The following SH3RF1 variants were observed in gnomAD, a reference collection of about 807,000 sequenced individuals.
SH3RF1 encodes the protein SH3 domain containing ring finger 1.
In SH3RF1, 32 loss-of-function variants were observed where a neutral mutation model predicts 74.0. The observed-to-expected ratio is 0.43, with a 90% CI of 0.33 to 0.58. The LOEUF is 0.58. Ranked by LOEUF, SH3RF1 falls within the 20% of genes least tolerant of loss-of-function variation. The pLI is 0.05. For synonymous variants in SH3RF1, 396 were observed against 439.6 expected (o/e 0.90, Z 1.24); for missense variants, 954 against 1,130.9 (o/e 0.84, Z 2.24).
chr4:169,100,645 A>T (rs930261271), intron 11 of SH3RF1, among the ~76,000 whole-genome samples: 3 of 152,098 alleles, frequency 2.0e-5, no homozygotes, highest in African/African-American at 7.2e-5. Context: ...GAGCTCACAT[A>T]CTAATATTCT....
chr4:169,203,553 G>GA (rs780772535), intron 2 of SH3RF1, among the ~76,000 whole-genome samples: 8,695 of 129,246 alleles, frequency 0.067, 371 homozygotes, highest in Admixed American at 0.17. Context: ...CCTGTCTCAA[G>GA]AAAAAAAAAA....
intron 2 of SH3RF1, among the ~76,000 whole-genome samples, chr4:169,268,279 G>A (rs914596519): frequency 3.9e-5 from 6 of 152,120 alleles, no homozygotes; most frequent in Admixed American, 2.6e-4. Flanking sequence ...CTACAGCAAC[G>A]AAACTCTGCT....
At chr4:169,156,370 TG>T (rs1734053018) in intron 3 of SH3RF1, 33 bp downstream of exon 3, 2 of 1,525,240 alleles carry the variant, frequency 1.3e-6, no homozygotes, top group African/African-American at 2.8e-5. Context: ...GAGGTAGAGC[TG>T]GCAAACAGAA....
In SH3RF1 at chr4:169,106,872, C is replaced by T; in HGVS notation, c.2473G>A (p.Glu825Lys). Residue 825 changes from glutamate to lysine, a missense_variant, in exon 11 of 12, where the codon GAG (glutamate) becomes AAG (lysine). Coordinates refer to ENST00000284637, the MANE Select transcript of SH3RF1 (RefSeq NM_020870.4). ...ACSSLGPVLN[E>K]SRPVVCERHR... ...CTTTCACAAACGACAGGTCTAGACT[C>T]ATTCAAGACAGGACCCAGGGAGGAA... 1 of 1,610,470 alleles carries T rather than the reference C, an allele frequency of 6.2e-7. No individual in the cohort carries two copies. Among genetic ancestry groups the T allele is most frequent in the Non-Finnish European group, 8.5e-7 (1 of 1,178,560 alleles).
intron 5 of SH3RF1, among the ~76,000 whole-genome samples, chr4:169,134,494 C>T (rs927660211): frequency 1.3e-5 from 2 of 152,218 alleles, no homozygotes; most frequent in Non-Finnish European, 2.9e-5. Flanking sequence ...CTATTCTTGG[C>T]AGAAGCTTGT....
At chr4:169,204,614 G>A (rs938286460) in intron 2 of SH3RF1, among the ~76,000 whole-genome samples, 1 of 144,364 alleles carries the variant, frequency 6.9e-6, no homozygotes. Context: ...GCAGTGGCGT[G>A]ATCTTGGCTC....
intron 8 of SH3RF1, among the ~76,000 whole-genome samples, chr4:169,118,880 C>G (rs1045238088): frequency 1.2e-4 from 19 of 152,152 alleles, no homozygotes; most frequent in African/African-American, 4.6e-4. Flanking sequence ...CTCAGGGTTA[C>G]AGCCAACTCT....
At chr4:169,138,643 G>T (rs745355440) in intron 4 of SH3RF1, among the ~76,000 whole-genome samples, 1 of 152,154 alleles carries the variant, frequency 6.6e-6, no homozygotes, top group Non-Finnish European at 1.5e-5. Context: ...AAATCTAGTT[G>T]ATATCATGTT....
intron 2 of SH3RF1, among the ~76,000 whole-genome samples, chr4:169,258,181 T>C (rs1027108387): frequency 2.6e-5 from 4 of 152,240 alleles, no homozygotes; most frequent in African/African-American, 9.6e-5. Flanking sequence ...TCAAATCACA[T>C]AGCCAGGACT....
rs916488898 is a variant in SH3RF1 at position 169,149,575 on chromosome 4, T to C, written c.765+5905A>G. ...TTCTCCCTTACTGACTTCTCAACAATGTCTTTAAATTTCACTTACAAAAAT... is the reference window on the plus strand; with the variant it reads ...TTCTCCCTTACTGACTTCTCAACAACGTCTTTAAATTTCACTTACAAAAAT... On this transcript the variant is annotated intron_variant, in intron 4 of 11. Transcript: ENST00000284637. Among the ~76,000 whole-genome samples, 6 of 152,198 alleles carry C rather than the reference T, an allele frequency of 3.9e-5. No individual in the cohort carries two copies. The South Asian group carries it at 6.2e-4, about 16-fold the overall frequency.
chr4:169,098,708 A>G (rs1372505777), intron 11 of SH3RF1, among the ~76,000 whole-genome samples: 1 of 152,228 alleles, frequency 6.6e-6, no homozygotes, highest in Non-Finnish European at 1.5e-5. Flanking sequence ...TGAGGAAGGA[A>G]GCATGACACA....
rs1203061609 is a variant in SH3RF1 at position 169,094,580 on chromosome 4, T to G, written c.*1939A>C. 1.3e-5 allele frequency: 2 copies of G among 152,218 alleles called. No homozygotes were observed. Among genetic ancestry groups the G allele is most frequent in the Non-Finnish European group, 2.9e-5 (2 of 68,022 alleles). 9.4% of individuals were successfully genotyped at this position (152,218 alleles called of 1,614,324 possible). A position where few individuals can be genotyped will look rare whatever the true frequency, so the allele number is the denominator to read the frequency against. The stretch of plus-strand genomic sequence containing the variant: ...TAACCTGTAGTAGTCTTTTTTCTTT[T>G]TAAAATTTTTATAAAATACACTAAT... On this transcript the variant is annotated 3_prime_UTR_variant, in exon 12 of 12. Transcript: ENST00000284637.
chr4:169,191,888 A>G (rs112198424), intron 2 of SH3RF1, among the ~76,000 whole-genome samples: 20 of 152,298 alleles, frequency 1.3e-4, no homozygotes, highest in African/African-American at 3.8e-4. Context: ...ACACAAATCA[A>G]CTCAAGATGG....
chr4:169,264,336 T>C (rs1296484744), intron 2 of SH3RF1, among the ~76,000 whole-genome samples: 2 of 152,162 alleles, frequency 1.3e-5, no homozygotes, highest in African/African-American at 4.8e-5. Context: ...CTGGTCTTAC[T>C]GGATTAGGGC....
chr4:169,096,972 T>C (rs1732941895), intron 11 of SH3RF1, among the ~76,000 whole-genome samples: 1 of 152,242 alleles, frequency 6.6e-6, no homozygotes, highest in Non-Finnish European at 1.5e-5. Context: ...TGTTTGTATC[T>C]TGGCCATAAA....
At chr4:169,129,188 A>C (rs1733572363) in intron 6 of SH3RF1, among the ~76,000 whole-genome samples, 1 of 152,214 alleles carries the variant, frequency 6.6e-6, no homozygotes, top group South Asian at 2.1e-4. Context: ...AGGGCAATCT[A>C]ATTTAATGAT....
intron 10 of SH3RF1, among the ~76,000 whole-genome samples, chr4:169,112,719 A>T (rs938225026): frequency 6.6e-6 from 1 of 152,222 alleles, no homozygotes; most frequent in African/African-American, 2.4e-5. Flanking sequence ...GCCCATAGCA[A>T]TTCAAGAAGG....
chr4:169,155,568 A>T lies in SH3RF1; in HGVS notation c.677T>A (p.Val226Asp). 6.2e-7 allele frequency: 1 copy of T among 1,612,248 alleles called. No homozygotes were observed. Among genetic ancestry groups the T allele is most frequent in the Non-Finnish European group, 8.5e-7 (1 of 1,178,338 alleles). Residue 226 changes from valine to aspartate, a missense_variant, in exon 4 of 12, where the codon GTT becomes GAT. This residue lies in a region of SH3RF1 where 854 missense variants were observed against 962.5 expected (regional missense o/e 0.89). Transcript: ENST00000284637. ...KDCLPFAKDDVLTVIRRVDEN... is the reference protein window; with the variant it reads ...KDCLPFAKDDDLTVIRRVDEN... ...ATCCACTCTTCGGATCACAGTCAGA[A>T]CATCATCCTGAAGAAACAGCAAATC...
chr4:169,250,469 T>C (rs953864668), intron 2 of SH3RF1, among the ~76,000 whole-genome samples: 3 of 152,258 alleles, frequency 2.0e-5, no homozygotes, highest in Non-Finnish European at 4.4e-5. Flanking sequence ...TCTGAATGAA[T>C]AACAGTCATT....
Sources: allele counts gnomAD v4.1 joint callset (sites outside exome capture counted in the v4.1 genomes callset), GRCh38; gene constraint gnomAD v4.1.1; regional missense constraint gnomAD v4.1.1; transcripts MANE v1.5; gene names NCBI Gene and HGNC (gene_info 2026-07-23, HGNC 2026-07-21).